Variants in KIF6 observed in about 807,000 individuals in gnomAD.
KIF6 encodes kinesin family member 6, also known as kinesin-like protein KIF6.
A neutral mutation model predicts 112.7 loss-of-function variants in KIF6; 106 were observed. The ratio of observed to expected loss-of-function variants is 0.94; its 90% CI spans 0.80 to 1.11. KIF6 has a LOEUF of 1.11. KIF6 is among the 50% of genes least tolerant of loss of function. KIF6 has a pLI of 0.00. For synonymous variants in KIF6, 339 were observed against 339.9 expected (o/e 1.00, Z 0.03); for missense variants, 929 against 964.0 (o/e 0.96, Z 0.48).
chr6:39,582,851 A>C (rs1781369808), intron 9 of KIF6, among the ~76,000 whole-genome samples: 1 of 152,198 alleles, frequency 6.6e-6, no homozygotes, highest in Non-Finnish European at 1.5e-5. Context: ...CAAATTCTCA[A>C]CTGTCATTTG....
At chr6:39,503,090 A>G (rs1776224360) in intron 13 of KIF6, among the ~76,000 whole-genome samples, 1 of 152,126 alleles carries the variant, frequency 6.6e-6, no homozygotes, top group Non-Finnish European at 1.5e-5. Flanking sequence ...ATAAATTAGA[A>G]GTAAAACACT....
chr6:39,610,241 T>A (rs1307649411), intron 6 of KIF6, among the ~76,000 whole-genome samples: 2 of 152,166 alleles, frequency 1.3e-5, no homozygotes. Flanking sequence ...TAAAAAAAAA[T>A]TTATCCTAGG....
At chr6:39,340,569 G>C (rs1028692262) in intron 22 of KIF6, among the ~76,000 whole-genome samples, 1 of 152,180 alleles carries the variant, frequency 6.6e-6, no homozygotes, top group Non-Finnish European at 1.5e-5. Flanking sequence ...GTCCACAGGG[G>C]ATCATAATCT....
chr6:39,633,348 G>GA lies in KIF6; in HGVS notation c.509+1500dup, dbSNP rs969590995. ...CTTAAGAGAGGTAACATAATATATA[G>GA]AAAAAAAAGTACTTGATGAGAAGTC... is the stretch of plus-strand genomic sequence containing the variant. On this transcript the variant is annotated intron_variant, in intron 5 of 22. Coordinates refer to ENST00000287152, the MANE Select transcript of KIF6 (RefSeq NM_145027.6). Among the ~76,000 whole-genome samples the GA allele has an allele frequency of 7.6e-4, 115 of 151,852 alleles. 1 individual carries two copies. Among genetic ancestry groups the GA allele is most frequent in the African/African-American group, 2.6e-3 (109 of 41,452 alleles).
At chr6:39,716,356 A>G (rs533344094) in intron 2 of KIF6, among the ~76,000 whole-genome samples, 1 of 152,282 alleles carries the variant, frequency 6.6e-6, no homozygotes, top group East Asian at 1.9e-4. Flanking sequence ...AGCAGGTGGT[A>G]GAAACACAAG....
At chr6:39,719,441 A>T (rs1335252084) in intron 2 of KIF6, among the ~76,000 whole-genome samples, 1 of 152,256 alleles carries the variant, frequency 6.6e-6, no homozygotes, top group African/African-American at 2.4e-5. Flanking sequence ...TTTGTAAAAC[A>T]GTCTAGAGAT....
intron 16 of KIF6, among the ~76,000 whole-genome samples, chr6:39,368,476 G>C (rs1765734648): frequency 6.6e-6 from 1 of 152,170 alleles, no homozygotes; most frequent in Non-Finnish European, 1.5e-5. Flanking sequence ...GAAGCCACAG[G>C]GCAGATTATT....
At chr6:39,539,436 C>T (rs1182840364) in intron 13 of KIF6, among the ~76,000 whole-genome samples, 2 of 152,070 alleles carry the variant, frequency 1.3e-5, no homozygotes, top group South Asian at 2.1e-4. Context: ...CTCCACCTCT[C>T]GGGTTCAAAT....
chr6:39,407,921 G>GA (rs1213500907), intron 15 of KIF6, among the ~76,000 whole-genome samples: 4 of 152,006 alleles, frequency 2.6e-5, no homozygotes, highest in Admixed American at 2.6e-4. Context: ...AAAGCAACTT[G>GA]AAAAACAGAA....
chr6:39,508,143 G>C (rs1054055423), intron 13 of KIF6, among the ~76,000 whole-genome samples: 1 of 151,794 alleles, frequency 6.6e-6, no homozygotes, highest in African/African-American at 2.4e-5. Flanking sequence ...AGTTCACAAA[G>C]TGTGGTCCAT....
At chr6:39,518,046 G>A (rs1393945945) in intron 13 of KIF6, among the ~76,000 whole-genome samples, 1 of 152,182 alleles carries the variant, frequency 6.6e-6, no homozygotes, top group Non-Finnish European at 1.5e-5. Flanking sequence ...CTGGAGCTGA[G>A]CACCCCAGTA....
intron 13 of KIF6, among the ~76,000 whole-genome samples, chr6:39,438,846 T>G (rs1221609288): frequency 1.3e-5 from 2 of 152,166 alleles, no homozygotes; most frequent in Non-Finnish European, 2.9e-5. Flanking sequence ...TCAAGTTCCA[T>G]TCATGGTAAC....
At chr6:39,715,158 T>C (rs6933563) in intron 2 of KIF6, among the ~76,000 whole-genome samples, 12,237 of 152,302 alleles carry the variant, frequency 0.08, 520 homozygotes, top group Middle Eastern at 0.11. Context: ...TTCTAATATC[T>C]GACCTGTGAG....
At chr6:39,570,747 T>C (rs1308785841) in intron 10 of KIF6, among the ~76,000 whole-genome samples, 1 of 152,146 alleles carries the variant, frequency 6.6e-6, no homozygotes, top group Admixed American at 6.5e-5. Context: ...TGCTGGACAC[T>C]CACTCCATCC....
intron 13 of KIF6, among the ~76,000 whole-genome samples, chr6:39,489,793 T>C (rs1443557654): frequency 1.3e-5 from 2 of 152,198 alleles, no homozygotes; most frequent in East Asian, 1.9e-4. Flanking sequence ...CTTTATATTG[T>C]TATCAGTCAT....
At chr6:39,593,767 G>A (rs1561845778) in intron 7 of KIF6, among the ~76,000 whole-genome samples, 2 of 152,126 alleles carry the variant, frequency 1.3e-5, no homozygotes, top group South Asian at 2.1e-4. Flanking sequence ...TGATTGGCTC[G>A]CCTCTATTCA....
At chr6:39,385,168 A>G (rs1767304604) in intron 16 of KIF6, among the ~76,000 whole-genome samples, 3 of 152,204 alleles carry the variant, frequency 2.0e-5, no homozygotes, top group Admixed American at 2.0e-4. Flanking sequence ...TGGTAAATGC[A>G]CTTACCTCTT....
chr6:39,454,989 C>A (rs1443133470), intron 13 of KIF6, among the ~76,000 whole-genome samples: 1 of 150,762 alleles, frequency 6.6e-6, no homozygotes, highest in Admixed American at 6.6e-5. Flanking sequence ...ACAAAGCAGC[C>A]GGGAAGCTCG....
chr6:39,697,728 G>C (rs922824998), intron 3 of KIF6, among the ~76,000 whole-genome samples: 4 of 151,634 alleles, frequency 2.6e-5, no homozygotes, highest in Admixed American at 6.6e-5. Context: ...TTGTATTTTT[G>C]GTAGAGATGG....
Sources: allele counts gnomAD v4.1 joint callset (sites outside exome capture counted in the v4.1 genomes callset), GRCh38; gene constraint gnomAD v4.1.1; transcripts MANE v1.5; gene names NCBI Gene and HGNC (gene_info 2026-07-23, HGNC 2026-07-21).